ERICH6: variants seen among roughly 807,000 people sequenced by gnomAD.
ERICH6 encodes glutamate-rich protein 6.
Under a neutral mutation model 71.0 loss-of-function variants are expected in ERICH6, and 71 were observed. That is an observed-to-expected ratio of 1.00 (90% CI 0.83 to 1.22). The LOEUF (loss-of-function observed/expected upper bound fraction) is 1.22. Ranked by LOEUF, ERICH6 falls within the 50% of genes most tolerant of loss-of-function variation. The pLI, the probability that ERICH6 is intolerant of heterozygous loss-of-function variation, is 0.00. For missense variants in ERICH6, 808 were observed against 797.2 expected, an observed-to-expected ratio of 1.01 and a Z score of -0.16; for synonymous variants, 262 against 278.4, an observed-to-expected ratio of 0.94 and a Z score of 0.59.
At chr3:150,677,912 A>C (rs979850409) in intron 10 of ERICH6, among the ~76,000 whole-genome samples, 1 of 152,212 alleles carries the variant, frequency 6.6e-6, no homozygotes, top group African/African-American at 2.4e-5. Flanking sequence ...AACAGTGCTA[A>C]TATAACTTTT....
chr3:150,697,930 C>G (rs1437284988), intron 3 of ERICH6, among the ~76,000 whole-genome samples: 2 of 152,174 alleles, frequency 1.3e-5, no homozygotes, highest in Non-Finnish European at 2.9e-5. Context: ...GCCTCTTGTT[C>G]TAGAAGGAGG....
chr3:150,701,631 G>A (rs887426934), intron 2 of ERICH6, among the ~76,000 whole-genome samples: 1 of 152,150 alleles, frequency 6.6e-6, no homozygotes, highest in Admixed American at 6.5e-5. Flanking sequence ...ACTCAGGTTT[G>A]GTGTGAGATT....
intron 2 of ERICH6, among the ~76,000 whole-genome samples, chr3:150,700,241 A>ATTTTTTTT (rs34624356): frequency 1.6e-3 from 177 of 110,918 alleles, no homozygotes; most frequent in Non-Finnish European, 2.0e-3. Context: ...TGCCCGGCTA[A>ATTTTTTTT]TTTTTTTTTT....
At chr3:150,700,212 C>G (rs1032215030) in intron 2 of ERICH6, among the ~76,000 whole-genome samples, 8 of 144,800 alleles carry the variant, frequency 5.5e-5, no homozygotes, top group Admixed American at 6.9e-5. Flanking sequence ...GTAGCTGGGA[C>G]TATAGGCGTC....
chr3:150,678,567 G>T lies in ERICH6; in HGVS notation c.1112-13C>A, dbSNP rs1454408683. 6.3e-7 allele frequency: 1 copy of T among 1,577,734 alleles called. No individual in the cohort carries two copies. The highest frequency in any genetic ancestry group is 1.2e-5 in the South Asian group (1 of 83,962). On this transcript the variant is annotated splice_polypyrimidine_tract_variant and intron_variant, in intron 9 of 13. Coordinates refer to ENST00000295910, the MANE Select transcript of ERICH6 (RefSeq NM_152394.5). ...AAGCGCTTTGAATCTAGTGGGAAAA[G>T]AATCACATAGAAATACATATATGTT... is the stretch of plus-strand genomic sequence containing the variant.
rs1008454751 is a variant in ERICH6 at position 150,675,355 on chromosome 3, C to CT, written c.1258-1315dup. Among the ~76,000 whole-genome samples the CT allele has an allele frequency of 2.6e-3, 391 of 148,794 alleles. 2 individuals carry two copies. Among genetic ancestry groups the CT allele is most frequent in the African/African-American group, 6.4e-3 (263 of 40,778 alleles). On this transcript the variant is annotated intron_variant, in intron 10 of 13. Coordinates refer to ENST00000295910, the MANE Select transcript of ERICH6 (RefSeq NM_152394.5). ...GTGATCCTCTTATCTTTATCTCACA[C>CT]TTTTTTTTTTGAGACAAGAGTCTTG... is the stretch of plus-strand genomic sequence containing the variant.
At chr3:150,664,903 TA>T (rs530166173) in intron 13 of ERICH6, among the ~76,000 whole-genome samples, 1 of 151,560 alleles carries the variant, frequency 6.6e-6, no homozygotes, top group African/African-American at 2.4e-5. Context: ...ATGAGAAAAG[TA>T]AAAAACTTTA....
chr3:150,698,724 T>A (rs2108078725), intron 3 of ERICH6, 67 bp downstream of exon 3: 1 of 1,343,488 alleles, frequency 7.4e-7, no homozygotes, highest in South Asian at 1.2e-5. Flanking sequence ...ACTGGCCTTC[T>A]ACACCTGTGA....
chr3:150,686,390 A>G (rs1483317749), intron 3 of ERICH6, 36 bp from the exon 4 acceptor site: 1 of 1,577,236 alleles, frequency 6.3e-7, no homozygotes, highest in Admixed American at 1.8e-5. Flanking sequence ...TCAATCTGAC[A>G]AAGTAGAAAA....
intron 13 of ERICH6, among the ~76,000 whole-genome samples, chr3:150,665,220 T>C (rs1014357855): frequency 6.6e-6 from 1 of 152,186 alleles, no homozygotes; most frequent in Non-Finnish European, 1.5e-5. Context: ...ACCCTCGCTC[T>C]ATGTTGCCTG....
At chr3:150,700,398 G>T (rs1178777653) in intron 2 of ERICH6, among the ~76,000 whole-genome samples, 1 of 151,540 alleles carries the variant, frequency 6.6e-6, no homozygotes, top group Non-Finnish European at 1.5e-5. Flanking sequence ...AAGCAGGCAA[G>T]AACTCAGAAA....
chr3:150,677,420 G>C (rs1232365256), intron 10 of ERICH6, among the ~76,000 whole-genome samples: 2 of 151,692 alleles, frequency 1.3e-5, no homozygotes, highest in Non-Finnish European at 2.9e-5. Flanking sequence ...TCCGAGAACA[G>C]AAAAATGGGT....
At chr3:150,702,269 ACTT>A in intron 1 of ERICH6, 91 bp from the exon 2 acceptor site, 4 of 352,264 alleles carry the variant, frequency 1.1e-5, no homozygotes, top group Non-Finnish European at 1.5e-5. Flanking sequence ...ATGTCTGGAG[ACTT>A]TTTTTTTTTT....
intron 7 of ERICH6, among the ~76,000 whole-genome samples, chr3:150,681,807 CTTTTTTTTTTTTTTT>C (rs34909258): frequency 2.0e-4 from 14 of 70,278 alleles, no homozygotes; most frequent in Admixed American, 9.2e-4. Flanking sequence ...ACACATAACT[CTTTTTTTTTTTTTTT>C]TTTTTTTTTG....
intron 13 of ERICH6, among the ~76,000 whole-genome samples, chr3:150,662,402 T>C (rs1437430301): frequency 6.6e-6 from 1 of 152,080 alleles, no homozygotes; most frequent in African/African-American, 2.4e-5. Flanking sequence ...GTAAACCCAA[T>C]GACACAAAAA....
chr3:150,674,293 T>G (rs1464342777), intron 10 of ERICH6, among the ~76,000 whole-genome samples: 3 of 152,130 alleles, frequency 2.0e-5, no homozygotes, highest in Non-Finnish European at 4.4e-5. Flanking sequence ...AATTTTTTTT[T>G]TTTTTTACTT....
At chr3:150,663,917 A>T (rs923350070) in intron 13 of ERICH6, among the ~76,000 whole-genome samples, 10 of 152,150 alleles carry the variant, frequency 6.6e-5, no homozygotes, top group African/African-American at 2.4e-4. Flanking sequence ...ATATTTAAGG[A>T]AGTGAGACTC....
At chr3:150,669,263 C>T in intron 12 of ERICH6, 33 bp downstream of exon 12, 2 of 1,550,870 alleles carry the variant, frequency 1.3e-6, no homozygotes, top group Non-Finnish European at 1.7e-6. Flanking sequence ...ACAAAAGCCA[C>T]AAAATGGCAG....
Position 150,703,801 on chromosome 3 carries a change from T to A in ERICH6, c.98A>T (p.Glu33Val). 1 of 1,609,494 alleles carries A rather than the reference T, an allele frequency of 6.2e-7. No homozygotes were observed. The highest frequency in any genetic ancestry group is 8.5e-7 in the Non-Finnish European group (1 of 1,178,022). ...CACCTCTTCCTCCTCCTCCTCCACCTCTTCCTCCTCCTCCTCCTCCTCTAA... is the reference window on the plus strand; with the variant it reads ...CACCTCTTCCTCCTCCTCCTCCACCACTTCCTCCTCCTCCTCCTCCTCTAA... ...EELEEEEEEE[E>V]VEEEEEEVEE... The change falls in exon 1 of 14, where the codon GAG becomes GTG. Residue 33 changes from glutamate to valine, a missense_variant. Around this residue, in one of 3 missense-constraint regions of ERICH6, gnomAD observed 53 missense variants for 40.6 expected, o/e 1.30. Transcript: ENST00000295910.
Sources: allele counts gnomAD v4.1 joint callset (sites outside exome capture counted in the v4.1 genomes callset), GRCh38; gene constraint gnomAD v4.1.1; regional missense constraint gnomAD v4.1.1; transcripts MANE v1.5; gene names NCBI Gene and HGNC (gene_info 2026-07-23, HGNC 2026-07-21).